The following D2HGDH variants were observed in gnomAD, a reference collection of about 807,000 sequenced individuals.
D2HGDH encodes the protein D-2-hydroxyglutarate dehydrogenase.
In D2HGDH, 31 loss-of-function variants were observed where a neutral mutation model predicts 46.9. The ratio of observed to expected loss-of-function variants is 0.66; its 90% CI spans 0.50 to 0.89. The LOEUF (loss-of-function observed/expected upper bound fraction) is 0.89. D2HGDH is among the 40% of genes least tolerant of loss of function. The pLI, the probability that D2HGDH is intolerant of heterozygous loss-of-function variation, is 0.00. For missense variants in D2HGDH, 698 were observed against 720.8 expected, an observed-to-expected ratio of 0.97 and a Z score of 0.36; for synonymous variants, 364 against 332.6, an observed-to-expected ratio of 1.09 and a Z score of -1.03.
At position 241,744,981 on chromosome 2, in the gene D2HGDH, C is replaced by A. The variant is rs540755287; in HGVS notation, c.853+104C>A. 2.0e-5 allele frequency: 30 copies of A among 1,475,292 alleles called. 2 individuals carry two copies. The Middle Eastern group carries it at 3.2e-3, about 155-fold the overall frequency. 91.4% of individuals were successfully genotyped at this position (1,475,292 alleles called of 1,614,324 possible). On this transcript the variant is annotated intron_variant, in intron 6 of 9. Transcript: ENST00000321264. ...GGAAGGGGATGGAGGGACCCCCCGC[C>A]AAGGACAGTCGGTTCCCGTGTCTCC...
At chr2:241,763,519 A>G (rs1699014449) in intron 9 of D2HGDH, among the ~76,000 whole-genome samples, 1 of 152,170 alleles carries the variant, frequency 6.6e-6, no homozygotes, top group East Asian at 1.9e-4. Flanking sequence ...AGGGGTTGCG[A>G]AGGCCTAGGA....
chr2:241,743,641 G>A lies in D2HGDH; in HGVS notation c.510G>A (p.Ala170=), dbSNP rs768047452. 14 of 1,613,590 alleles carry A rather than the reference G, an allele frequency of 8.7e-6. No individual in the cohort carries two copies. The highest frequency in any genetic ancestry group is 4.4e-5 in the South Asian group (4 of 90,986). ...CTGCAGGAATTCTGGTTTGCCAGGC[G>A]GGCTGCGTCCTGGAGGAGCTGAGCC... ...HSVSGILVCQ[A]GCVLEELSRY... The change falls in exon 5 of 10, where the codon GCG becomes GCA. Residue 170 remains alanine (A), a synonymous_variant. Coordinates refer to ENST00000321264, the MANE Select transcript of D2HGDH (RefSeq NM_152783.5). The surrounding 1 kb of genome is among the most constrained non-coding windows in gnomAD (Gnocchi z 4.8).
rs535731889 is a variant in D2HGDH at position 241,744,636 on chromosome 2, C to T, written c.685-73C>T. ...ACCTCAGGCTGCTGCAGAAGTGACA[C>T]CTGGCCCCGGAGGCGACCGACGTCT... On this transcript the variant is annotated intron_variant, in intron 5 of 9. Coordinates refer to ENST00000321264, the MANE Select transcript of D2HGDH (RefSeq NM_152783.5). 1.7e-4 allele frequency: 266 copies of T among 1,584,808 alleles called. 2 individuals are homozygous for T. In the African/African-American group the frequency reaches 3.1e-3, roughly 19 times the overall value.
rs183513020 is a variant in D2HGDH, at chr2:241,741,443, C to G, written c.350+353C>G. On this transcript the variant is annotated intron_variant, in intron 3 of 9. Coordinates refer to ENST00000321264, the MANE Select transcript of D2HGDH (RefSeq NM_152783.5). ...TGCTTTGGGGCAACGTGCACTTACT[C>G]TGTTAAACTCCATCCCTGGGACTTG... 1.4e-4 allele frequency among the ~76,000 whole-genome samples: 21 copies of G among 152,328 alleles called. No individual in the cohort carries two copies. In the East Asian group the frequency reaches 3.9e-3, roughly 28 times the overall value.
Position 241,751,347 on chromosome 2 carries a change from G to A in D2HGDH, c.1099G>A (p.Val367Met), listed in dbSNP as rs567747868. Residue 367 changes from valine (V) to methionine (M), a missense_variant, in exon 8 of 10, where the codon GTG becomes ATG. Coordinates refer to ENST00000321264, the MANE Select transcript of D2HGDH (RefSeq NM_152783.5). ...FLEHALGSGL[V>M]TDGTMATDQR... ...GGAGCACGCGCTGGGCTCCGGCCTG[G>A]TGACCGATGGGACCATGGCCACCGA... is the stretch of plus-strand genomic sequence containing the variant. 6.2e-7 allele frequency: 1 copy of A among 1,613,740 alleles called. No homozygotes were observed. Among genetic ancestry groups the A allele is most frequent in the Admixed American group, 1.7e-5 (1 of 60,018 alleles).
intron 2 of D2HGDH, among the ~76,000 whole-genome samples, chr2:241,740,152 A>G (rs1249333191): frequency 6.6e-6 from 1 of 152,178 alleles, no homozygotes; most frequent in Non-Finnish European, 1.5e-5. Flanking sequence ...TTCAAAAGAA[A>G]TAAAAGGAAG....
At position 241,741,015 on chromosome 2, in the gene D2HGDH, A is replaced by G. The variant is rs4073889; in HGVS notation, c.293-18A>G. Reference sequence around the variant, plus strand: ...AGCTCCCCCCACGCTGTCTCATAGGATCTTCTTCCTGTCACAGGCTGTAGC... The same window carrying G: ...AGCTCCCCCCACGCTGTCTCATAGGGTCTTCTTCCTGTCACAGGCTGTAGC... On this transcript the variant is annotated intron_variant, in intron 2 of 9. Coordinates refer to ENST00000321264, the MANE Select transcript of D2HGDH (RefSeq NM_152783.5). The G allele has an allele frequency of 0.47, 758,993 of 1,608,508 alleles. 184,997 individuals are homozygous for G. Among genetic ancestry groups the G allele is most frequent in the African/African-American group, 0.8 (60,157 of 74,836 alleles).
intron 2 of D2HGDH, among the ~76,000 whole-genome samples, chr2:241,736,797 A>T (rs767000470): frequency 2.0e-5 from 3 of 151,314 alleles, no homozygotes; most frequent in Non-Finnish European, 4.4e-5. Context: ...AGTAACTGGG[A>T]TTACAGGTGC....
At position 241,735,664 on chromosome 2, in the gene D2HGDH, G is replaced by T. The variant is rs1438689816; in HGVS notation, c.292+148G>T. On this transcript the variant is annotated intron_variant, in intron 2 of 9. Coordinates refer to ENST00000321264, the MANE Select transcript of D2HGDH (RefSeq NM_152783.5). ...AGGGGCGTGTGCACCGCCACAGGCT[G>T]CTGGAATGAATGACCACGAACGAGT... The T allele has an allele frequency of 4.5e-6, 5 of 1,111,732 alleles. No individual in the cohort carries two copies. The East Asian group carries it at 1.3e-4, about 29-fold the overall frequency. The allele number at this position is 1,111,732 out of a possible 1,614,324, so 68.9% of individuals were successfully genotyped here. A position where few individuals can be genotyped will look rare whatever the true frequency, so the allele number is the denominator to read the frequency against.
intron 6 of D2HGDH, 23 bp downstream of exon 6, chr2:241,744,900 T>G (rs1695443441): frequency 1.9e-6 from 3 of 1,613,514 alleles, no homozygotes; most frequent in Non-Finnish European, 2.5e-6. Context: ...GATGTGTGCC[T>G]TGAGATGGGT....
At chr2:241,753,971 G>A (rs1033415706) in intron 8 of D2HGDH, among the ~76,000 whole-genome samples, 7 of 152,336 alleles carry the variant, frequency 4.6e-5, no homozygotes, top group South Asian at 4.1e-4. Context: ...CGGGAGGGCC[G>A]GAAAGATGAC....
In D2HGDH at chr2:241,744,700, T is replaced by A. The variant is rs4234097; in HGVS notation, c.685-9T>A. On this transcript the variant is annotated splice_polypyrimidine_tract_variant and intron_variant, in intron 5 of 9. Transcript: ENST00000321264. Reference sequence around the variant, plus strand: ...GCAGGTGGGTGAACGTGCTTCTCTTTGCCCCAAGGTGCTGGCCGACGGCAC... The same window carrying A: ...GCAGGTGGGTGAACGTGCTTCTCTTAGCCCCAAGGTGCTGGCCGACGGCAC... 6.2e-7 allele frequency: 1 copy of A among 1,614,010 alleles called. No individual in the cohort carries two copies. The highest frequency in any genetic ancestry group is 8.5e-7 in the Non-Finnish European group (1 of 1,179,968).
intron 7 of D2HGDH, among the ~76,000 whole-genome samples, chr2:241,750,849 C>G (rs985999564): frequency 5.9e-5 from 9 of 152,108 alleles, no homozygotes; most frequent in Non-Finnish European, 1.0e-4. Context: ...CTTCCACCTC[C>G]CGGGTTCAAA....
In D2HGDH at chr2:241,761,205, G is replaced by A. The variant is rs191603321; in HGVS notation, c.1306+5191G>A. On this transcript the variant is annotated intron_variant, in intron 9 of 9. Coordinates refer to ENST00000321264, the MANE Select transcript of D2HGDH (RefSeq NM_152783.5). ...TAACAGTGACAGACACAGCATTTCCGTCGTACCAGGAATCGTAAGTAATCT... is the reference window on the plus strand; with the variant it reads ...TAACAGTGACAGACACAGCATTTCCATCGTACCAGGAATCGTAAGTAATCT... 3.9e-3 allele frequency among the ~76,000 whole-genome samples: 597 copies of A among 152,220 alleles called. 9 individuals are homozygous for A. Among genetic ancestry groups the A allele is most frequent in the African/African-American group, 0.014 (582 of 41,508 alleles).
chr2:241,752,375 G>T (rs1697399997), intron 8 of D2HGDH, among the ~76,000 whole-genome samples: 2 of 152,152 alleles, frequency 1.3e-5, no homozygotes, highest in South Asian at 4.1e-4. Context: ...GATCAAGTGT[G>T]CGTCCTTCCT....
At chr2:241,755,047 C>A in intron 8 of D2HGDH, 1 of 1,300,698 alleles carries the variant, frequency 7.7e-7, no homozygotes, top group Non-Finnish European at 1.0e-6. Context: ...TGGTGCAGAT[C>A]TCCACAATGG....
rs150230081 is a variant in D2HGDH, at chr2:241,738,592, C to T, written c.293-2441C>T. Reference sequence around the variant, plus strand: ...TGTAACTGAGATTGAGGGGTGACCACGCTCTTCCTCTCCTCTGCCTTGCCT... The same window carrying T: ...TGTAACTGAGATTGAGGGGTGACCATGCTCTTCCTCTCCTCTGCCTTGCCT... On this transcript the variant is annotated intron_variant, in intron 2 of 9. Transcript: ENST00000321264. Among the ~76,000 whole-genome samples the T allele has an allele frequency of 5.4e-3, 819 of 152,348 alleles. 7 individuals carry two copies. The highest frequency in any genetic ancestry group is 0.019 in the African/African-American group (782 of 41,586).
chr2:241,750,958 G>A (rs765430426), intron 7 of D2HGDH, among the ~76,000 whole-genome samples: 4 of 152,186 alleles, frequency 2.6e-5, no homozygotes, highest in South Asian at 2.1e-4. Context: ...GGGTTTTGCC[G>A]TGTTGTCCAG....
At chr2:241,749,907 T>G in intron 6 of D2HGDH, 1 of 579,954 alleles carries the variant, frequency 1.7e-6, no homozygotes, top group Non-Finnish European at 3.2e-6. Flanking sequence ...CTTCTCCTGA[T>G]CTGATGCTGG....
Sources: allele counts gnomAD v4.1 joint callset (sites outside exome capture counted in the v4.1 genomes callset), GRCh38; gene constraint gnomAD v4.1.1; non-coding constraint Gnocchi (gnomAD v3.1); transcripts MANE v1.5; gene names NCBI Gene and HGNC (gene_info 2026-07-23, HGNC 2026-07-21).